Variants in FIG4 observed in about 807,000 individuals in gnomAD.
FIG4 encodes polyphosphoinositide phosphatase.
In FIG4, 112 loss-of-function variants were observed where a neutral mutation model predicts 118.6. The ratio of observed to expected loss-of-function variants is 0.94; its 90% CI spans 0.81 to 1.11. FIG4 has a LOEUF of 1.11. FIG4 is among the 50% of genes least tolerant of loss of function. The probability of loss-of-function intolerance (pLI) is 0.00; values close to 1 mark genes in which losing one functional copy is unlikely to be tolerated. For missense variants in FIG4, 969 were observed against 1,111.7 expected (o/e 0.87, Z 1.83); for synonymous variants, 369 against 381.2 (o/e 0.97, Z 0.37).
At chr6:109,773,975 A>G (rs1313521068) in intron 15 of FIG4, among the ~76,000 whole-genome samples, 2 of 151,890 alleles carry the variant, frequency 1.3e-5, no homozygotes, top group African/African-American at 4.8e-5. Flanking sequence ...TGCCCAGCTC[A>G]TATTTTTTAT....
chr6:109,807,115 GT>G (rs2128399936), intron 22 of FIG4, among the ~76,000 whole-genome samples: 1 of 152,250 alleles, frequency 6.6e-6, no homozygotes, highest in South Asian at 2.1e-4. Context: ...AATCCTTTGG[GT>G]ACATACCCAA....
intron 22 of FIG4, among the ~76,000 whole-genome samples, chr6:109,807,562 G>A (rs1400235128): frequency 6.6e-6 from 1 of 152,132 alleles, no homozygotes; most frequent in African/African-American, 2.4e-5. Context: ...TAGGTTGCCT[G>A]TTCACTCTGA....
chr6:109,695,908 A>C (rs1344765228), intron 1 of FIG4, among the ~76,000 whole-genome samples: 1 of 152,190 alleles, frequency 6.6e-6, no homozygotes, highest in Non-Finnish European at 1.5e-5. Flanking sequence ...GAATTGTGTA[A>C]GTTGTACCAA....
intron 1 of FIG4, among the ~76,000 whole-genome samples, chr6:109,703,976 C>A (rs1211628299): frequency 6.6e-6 from 1 of 152,174 alleles, no homozygotes; most frequent in African/African-American, 2.4e-5. Context: ...CCTACTCTCT[C>A]TAGTAGGTTT....
At chr6:109,797,141 G>A (rs192109940) in intron 22 of FIG4, among the ~76,000 whole-genome samples, 37 of 152,288 alleles carry the variant, frequency 2.4e-4, no homozygotes, top group Admixed American at 2.3e-3. Context: ...TGGTGAAACA[G>A]CTCTGATCCT....
chr6:109,813,753 T>C (rs1347571587), intron 22 of FIG4, among the ~76,000 whole-genome samples: 2 of 152,184 alleles, frequency 1.3e-5, no homozygotes, highest in Non-Finnish European at 2.9e-5. Flanking sequence ...GAAAGTTATC[T>C]CTTGGATCAC....
At chr6:109,707,796 T>C (rs1345773070) in intron 1 of FIG4, among the ~76,000 whole-genome samples, 1 of 152,098 alleles carries the variant, frequency 6.6e-6, no homozygotes, top group African/African-American at 2.4e-5. Flanking sequence ...GGCAGTGTTT[T>C]CTCAATTTTT....
chr6:109,738,553 TG>T (rs1776231475), intron 7 of FIG4, 100 bp downstream of exon 7: 1 of 1,146,656 alleles, frequency 8.7e-7, no homozygotes, highest in Non-Finnish European at 1.3e-6. Flanking sequence ...AATACCACTC[TG>T]TGCACCCCAA....
intron 1 of FIG4, among the ~76,000 whole-genome samples, chr6:109,700,333 A>C (rs1172611719): frequency 2.0e-5 from 3 of 152,230 alleles, no homozygotes; most frequent in Non-Finnish European, 4.4e-5. Flanking sequence ...ATATCCTTAC[A>C]TGCAAAAATA....
At chr6:109,768,854 C>T (rs1777362216) in intron 15 of FIG4, among the ~76,000 whole-genome samples, 1 of 152,062 alleles carries the variant, frequency 6.6e-6, no homozygotes, top group East Asian at 1.9e-4. Flanking sequence ...ACCGGTGGCT[C>T]AAAACAATAG....
intron 1 of FIG4, among the ~76,000 whole-genome samples, chr6:109,711,043 G>A (rs1220571886): frequency 6.6e-6 from 1 of 151,976 alleles, no homozygotes; most frequent in Non-Finnish European, 1.5e-5. Flanking sequence ...TTGTCAGTGT[G>A]GTGTTAAAGT....
At chr6:109,700,909 A>G (rs901597069) in intron 1 of FIG4, among the ~76,000 whole-genome samples, 2 of 152,256 alleles carry the variant, frequency 1.3e-5, no homozygotes, top group African/African-American at 4.8e-5. Context: ...CTAAGAAAAC[A>G]GAAAATCTGA....
intron 16 of FIG4, among the ~76,000 whole-genome samples, chr6:109,781,346 G>C (rs112663716): frequency 6.6e-6 from 1 of 152,178 alleles, no homozygotes; most frequent in East Asian, 1.9e-4. Context: ...TTCTTCAGCT[G>C]TTCCTCATAT....
intron 10 of FIG4, among the ~76,000 whole-genome samples, chr6:109,746,354 A>G (rs1018703000): frequency 3.9e-5 from 6 of 152,150 alleles, no homozygotes; most frequent in Non-Finnish European, 8.8e-5. Context: ...AGGCAACAAT[A>G]TAAGGTAAAT....
At position 109,732,625 on chromosome 6, in the gene FIG4, T is replaced by TG. The variant is rs781212048; in HGVS notation, c.447-12_447-11insG. On this transcript the variant is annotated splice_polypyrimidine_tract_variant and intron_variant, in intron 4 of 22. Coordinates refer to ENST00000230124, the MANE Select transcript of FIG4 (RefSeq NM_014845.6). ...TGGACAAATGAAATGTACTTTGTTT[T>TG]TTTTTTTTTAGGTATCTACGAATAT... 2 of 1,330,632 alleles carry TG rather than the reference T, an allele frequency of 1.5e-6. No homozygotes were observed. Among genetic ancestry groups the TG allele is most frequent in the East Asian group, 2.3e-5 (1 of 43,468 alleles). 82.4% of individuals were successfully genotyped at this position (1,330,632 alleles called of 1,614,324 possible). A position where few individuals can be genotyped will look rare whatever the true frequency, so the allele number is the denominator to read the frequency against.
chr6:109,794,387 CAG>C (rs1193664556), intron 21 of FIG4, among the ~76,000 whole-genome samples: 1 of 152,178 alleles, frequency 6.6e-6, no homozygotes, highest in African/African-American at 2.4e-5. Context: ...GCTTATGATG[CAG>C]ACCTTGGGGG....
At chr6:109,707,718 T>A (rs1583633162) in intron 1 of FIG4, among the ~76,000 whole-genome samples, 2 of 151,958 alleles carry the variant, frequency 1.3e-5, no homozygotes, top group Middle Eastern at 6.8e-3. Flanking sequence ...ACTTGTTTGT[T>A]ATTTAGTTGC....
rs1038211608 is a variant in FIG4 at position 109,735,175 on chromosome 6, C to T, written c.523C>T (p.Leu175Phe). 6.2e-7 allele frequency: 1 copy of T among 1,612,826 alleles called. No homozygotes were observed. Among genetic ancestry groups the T allele is most frequent in the African/African-American group, 1.3e-5 (1 of 74,842 alleles). Reference sequence around the variant, plus strand: ...TTACAGCTATGATTTGTCCCACTCACTTCAATATAATCTCACTGTCTTGCG... The same window carrying T: ...TTACAGCTATGATTTGTCCCACTCATTTCAATATAATCTCACTGTCTTGCG... ...FSYSYDLSHS[L>F]QYNLTVLRMP... is the part of the protein sequence containing the mutation. The change falls in exon 6 of 23, where the codon CTT (leucine) becomes TTT (phenylalanine). Residue 175 changes from leucine to phenylalanine, a missense_variant. Physicochemically the swap from Leu to Phe is conservative, Grantham distance 22. This residue lies in a region of FIG4 where 393 missense variants were observed against 409.4 expected (regional missense o/e 0.96). Transcript: ENST00000230124.
At chr6:109,733,093 A>G (rs942163906) in intron 5 of FIG4, among the ~76,000 whole-genome samples, 1 of 152,180 alleles carries the variant, frequency 6.6e-6, no homozygotes, top group African/African-American at 2.4e-5. Flanking sequence ...GAACTGTTGC[A>G]ATACTGATGT....
Sources: allele counts gnomAD v4.1 joint callset (sites outside exome capture counted in the v4.1 genomes callset), GRCh38; gene constraint gnomAD v4.1.1; regional missense constraint gnomAD v4.1.1; transcripts MANE v1.5; gene names NCBI Gene and HGNC (gene_info 2026-07-23, HGNC 2026-07-21).